The following PBX3 variants were observed in gnomAD, a reference collection of about 807,000 sequenced individuals.
PBX3 encodes the protein PBX homeobox 3.
Under a neutral mutation model 48.5 loss-of-function variants are expected in PBX3, and 14 were observed. The ratio of observed to expected loss-of-function variants is 0.29; its 90% CI spans 0.19 to 0.45. The LOEUF is 0.45. Among genes scored for constraint, PBX3 ranks in the 20% least tolerant of loss-of-function variants. The pLI is 1.00. For synonymous variants in PBX3, 210 were observed against 200.3 expected, an observed-to-expected ratio of 1.05 and a Z score of -0.41; for missense variants, 386 against 546.7, an observed-to-expected ratio of 0.71 and a Z score of 2.93.
intron 2 of PBX3, among the ~76,000 whole-genome samples, chr9:125,906,735 A>C (rs566562875): frequency 6.6e-6 from 1 of 152,162 alleles, no homozygotes; most frequent in East Asian, 1.9e-4. Flanking sequence ...ATTTTGTATT[A>C]TGTGTGTATG....
At chr9:125,947,776 A>G (rs1392362010) in intron 5 of PBX3, among the ~76,000 whole-genome samples, 1 of 152,152 alleles carries the variant, frequency 6.6e-6, no homozygotes, top group Non-Finnish European at 1.5e-5. Flanking sequence ...TCTAAGAGAC[A>G]TATGTAAAAT....
intron 5 of PBX3, among the ~76,000 whole-genome samples, chr9:125,954,605 G>A (rs1842262858): frequency 6.6e-6 from 1 of 152,100 alleles, no homozygotes; most frequent in South Asian, 2.1e-4. Flanking sequence ...GCGCAATCTT[G>A]GCTCACTGCA....
chr9:125,944,896 C>T (rs1217859726), intron 5 of PBX3, among the ~76,000 whole-genome samples: 1 of 152,066 alleles, frequency 6.6e-6, no homozygotes, highest in Non-Finnish European at 1.5e-5. Context: ...CCTCACTGTG[C>T]CTCCTTTTCT....
intron 2 of PBX3, among the ~76,000 whole-genome samples, chr9:125,907,514 A>C (rs1276544191): frequency 6.6e-6 from 1 of 152,080 alleles, no homozygotes; most frequent in Non-Finnish European, 1.5e-5. Flanking sequence ...TATTTTTTAA[A>C]GTGACAATTG....
chr9:125,810,819 G>A (rs1454871058), intron 2 of PBX3, among the ~76,000 whole-genome samples: 1 of 152,194 alleles, frequency 6.6e-6, no homozygotes, highest in Non-Finnish European at 1.5e-5. Context: ...CCTGATGAAG[G>A]TGGAAGAACT....
At chr9:125,869,663 C>A (rs1456517914) in intron 2 of PBX3, among the ~76,000 whole-genome samples, 1 of 152,038 alleles carries the variant, frequency 6.6e-6, no homozygotes, top group Non-Finnish European at 1.5e-5. Flanking sequence ...ATGGAAAATA[C>A]CTGGAGCATG....
chr9:125,753,332 T>C (rs1479526082), intron 2 of PBX3, among the ~76,000 whole-genome samples: 1 of 151,976 alleles, frequency 6.6e-6, no homozygotes, highest in Admixed American at 6.6e-5. Flanking sequence ...CTGGAGCTTT[T>C]GTAGGAGGTT....
intron 5 of PBX3, among the ~76,000 whole-genome samples, chr9:125,945,743 G>C (rs1265842178): frequency 6.6e-6 from 1 of 152,140 alleles, no homozygotes; most frequent in African/African-American, 2.4e-5. Context: ...ATTAAAGCTT[G>C]GCAGCAGTTA....
chr9:125,944,769 T>C (rs1286849358), intron 5 of PBX3, among the ~76,000 whole-genome samples: 1 of 151,280 alleles, frequency 6.6e-6, no homozygotes, highest in African/African-American at 2.4e-5. Context: ...ATGTGGGGGG[T>C]GGGGGATTTT....
chr9:125,777,068 G>C (rs1236926245), intron 2 of PBX3, among the ~76,000 whole-genome samples: 1 of 150,206 alleles, frequency 6.7e-6, no homozygotes, highest in Non-Finnish European at 1.5e-5. Context: ...GCAGTGGTGC[G>C]CTCTTGGCTC....
chr9:125,924,930 A>G (rs1841539651), intron 3 of PBX3, among the ~76,000 whole-genome samples: 1 of 152,198 alleles, frequency 6.6e-6, no homozygotes, highest in African/African-American at 2.4e-5. Flanking sequence ...ATAATTTATC[A>G]TATTTGTTTT....
At chr9:125,862,818 A>T (rs2132294489) in intron 2 of PBX3, among the ~76,000 whole-genome samples, 1 of 152,310 alleles carries the variant, frequency 6.6e-6, no homozygotes, top group Admixed American at 6.5e-5. Flanking sequence ...TTTGAATGTG[A>T]ATTACTTTTA....
chr9:125,799,883 A>T (rs939857046), intron 2 of PBX3, among the ~76,000 whole-genome samples: 1 of 152,084 alleles, frequency 6.6e-6, no homozygotes, highest in African/African-American at 2.4e-5. Flanking sequence ...ATTCTGTCTA[A>T]TTTTTGGCAC....
chr9:125,899,362 T>C (rs1236767804), intron 2 of PBX3, among the ~76,000 whole-genome samples: 1 of 56,292 alleles, frequency 1.8e-5, no homozygotes, highest in South Asian at 4.7e-4. Context: ...TTTATATAAA[T>C]ATATACATAT....
intron 2 of PBX3, among the ~76,000 whole-genome samples, chr9:125,838,744 A>G (rs62567229): frequency 1.3e-5 from 2 of 152,248 alleles, no homozygotes; most frequent in Admixed American, 6.5e-5. Flanking sequence ...TCTTTGTACC[A>G]AAGTACGAAA....
intron 2 of PBX3, among the ~76,000 whole-genome samples, chr9:125,793,361 A>AT: frequency 1.1e-5 from 1 of 89,566 alleles, no homozygotes; most frequent in African/African-American, 4.2e-5. Flanking sequence ...GGGGGGGAAA[A>AT]AAAAAATATA....
Position 125,794,700 on chromosome 9 carries a change from G to GTT in PBX3, c.274+46091_274+46092dup, listed in dbSNP as rs367765267. On this transcript the variant is annotated intron_variant, in intron 2 of 8. Coordinates refer to ENST00000373489, the MANE Select transcript of PBX3 (RefSeq NM_006195.6). ...AAGGGAAAGTAGGAGACTCATGGCT[G>GTT]TTTTTTTTTTTTTTTAACAGTCCCA... 3.7e-3 allele frequency among the ~76,000 whole-genome samples: 525 copies of GTT among 143,224 alleles called. 1 individual carries two copies. The highest frequency in any genetic ancestry group is 5.4e-3 in the African/African-American group (212 of 38,942). 94.0% of individuals were successfully genotyped at this position (143,224 alleles called of 152,430 possible).
chr9:125,912,588 C>A (rs1244632600), intron 2 of PBX3, among the ~76,000 whole-genome samples: 1 of 152,064 alleles, frequency 6.6e-6, no homozygotes, highest in Non-Finnish European at 1.5e-5. Flanking sequence ...TTGTCTAAAT[C>A]TTAGGGATAC....
At position 125,885,659 on chromosome 9, in the gene PBX3, G is replaced by T. The variant is rs139937304; in HGVS notation, c.275-30027G>T. On this transcript the variant is annotated intron_variant, in intron 2 of 8. Coordinates refer to ENST00000373489, the MANE Select transcript of PBX3 (RefSeq NM_006195.6). ...AAGGTAGTTGTTTAGAAGAGAGAATGTTCTCCCTGGAAATGTTTAAAGTGC... is the reference window on the plus strand; with the variant it reads ...AAGGTAGTTGTTTAGAAGAGAGAATTTTCTCCCTGGAAATGTTTAAAGTGC... Among the ~76,000 whole-genome samples the T allele has an allele frequency of 2.0e-5, 3 of 152,084 alleles. No individual in the cohort carries two copies. In the East Asian group the frequency reaches 5.8e-4, roughly 29 times the overall value.
Sources: gnomAD v4.1 joint callset for allele counts (sites outside exome capture counted in the v4.1 genomes callset) on GRCh38, gnomAD v4.1.1 for gene constraint, MANE v1.5 for transcripts, NCBI Gene and HGNC (gene_info 2026-07-23, HGNC 2026-07-21) for gene names.